The following CFAP263 variants were observed in gnomAD, a reference collection of about 807,000 sequenced individuals.
CFAP263 encodes the protein cilia- and flagella-associated protein 263.
the CFAP263 span, among the ~76,000 whole-genome samples, chr16:58,274,724 C>G: frequency 1.3e-5 from 2 of 152,318 alleles, no homozygotes; most frequent in East Asian, 3.9e-4. Flanking sequence ...TCAATCAAAT[C>G]TTCTTTTCTT....
chr16:58,258,095 G>A, the CFAP263 span, among the ~76,000 whole-genome samples: 21,160 of 143,996 alleles, frequency 0.15, 2,012 homozygotes, highest in East Asian at 0.34. Context: ...GCAATAGAGC[G>A]AGACTCTGTC....
At chr16:58,280,072 A>G in the CFAP263 span, 1 of 734,552 alleles carries the variant, frequency 1.4e-6, no homozygotes, top group South Asian at 1.9e-5. Context: ...GGAGAGGGAT[A>G]GAGGAGGGAG....
the CFAP263 span, among the ~76,000 whole-genome samples, chr16:58,265,319 G>A: frequency 1.9e-3 from 283 of 152,290 alleles, 1 homozygote; most frequent in African/African-American, 6.4e-3. Context: ...CTAATCACAC[G>A]AGTCCTTTGA....
chr16:58,278,750 G>A, the CFAP263 span: 1 of 988,050 alleles, frequency 1.0e-6, no homozygotes, highest in Non-Finnish European at 1.5e-6. Context: ...ATTTCTGGGA[G>A]AAACCTCAGC....
At chr16:58,258,623 TAAA>T in the CFAP263 span, 2 of 1,111,880 alleles carry the variant, frequency 1.8e-6, no homozygotes, top group Non-Finnish European at 2.6e-6. Context: ...TGGTCCACCA[TAAA>T]TGTTGCCCAC....
chr16:58,278,102 A>G, the CFAP263 span, among the ~76,000 whole-genome samples: 1 of 152,192 alleles, frequency 6.6e-6, no homozygotes, highest in African/African-American at 2.4e-5. Flanking sequence ...TATATCTTAT[A>G]ATTAAAAAAG....
the CFAP263 span, among the ~76,000 whole-genome samples, chr16:58,261,030 C>T: frequency 2.6e-5 from 4 of 152,178 alleles, no homozygotes; most frequent in Non-Finnish European, 4.4e-5. Context: ...TTTCTCTACT[C>T]TGTCTGAGCG....
chr16:58,250,509 AATCTC>A, the CFAP263 span: 57 of 161,540 alleles, frequency 3.5e-4, 1 homozygote, highest in South Asian at 8.6e-3. Context: ...TCACGCCTGT[AATCTC>A]AGCACTTTAG....
At chr16:58,278,352 A>G in the CFAP263 span, 9 of 840,022 alleles carry the variant, frequency 1.1e-5, no homozygotes, top group South Asian at 9.7e-5. Flanking sequence ...CCCCTCCCCA[A>G]CCTCTTTGAA....
At chr16:58,255,259 G>A in the CFAP263 span, among the ~76,000 whole-genome samples, 1 of 152,220 alleles carries the variant, frequency 6.6e-6, no homozygotes, top group Non-Finnish European at 1.5e-5. Context: ...GGCAGGAGGA[G>A]CAGAAGCAAT....
At chr16:58,262,431 T>C in the CFAP263 span, 3 of 1,613,308 alleles carry the variant, frequency 1.9e-6, no homozygotes, top group South Asian at 2.2e-5. Flanking sequence ...TTTCAGCAGT[T>C]GAAGATAGAG....
the CFAP263 span, among the ~76,000 whole-genome samples, chr16:58,251,802 G>A: frequency 2.6e-4 from 18 of 68,016 alleles, no homozygotes; most frequent in Non-Finnish European, 4.3e-4. Flanking sequence ...CATCAAAGCT[G>A]TTCTCTCTCT....
chr16:58,278,563 G>C, the CFAP263 span: 1 of 1,614,128 alleles, frequency 6.2e-7, no homozygotes. Flanking sequence ...GATGACTTAC[G>C]TCCGGGAGAA....
the CFAP263 span, among the ~76,000 whole-genome samples, chr16:58,252,402 C>T: frequency 1.1e-3 from 162 of 151,608 alleles, 1 homozygote; most frequent in East Asian, 0.029. Flanking sequence ...AATAATCTCC[C>T]ACATGGGTTC....
the CFAP263 span, chr16:58,250,258 A>G: frequency 7.1e-6 from 4 of 560,322 alleles, no homozygotes; most frequent in Non-Finnish European, 1.3e-5. Flanking sequence ...TCCTTACTCC[A>G]CCACCACTGA....
the CFAP263 span, chr16:58,283,181 C>T: frequency 6.6e-6 from 1 of 152,188 alleles, no homozygotes; most frequent in Non-Finnish European, 1.5e-5. Flanking sequence ...TGTTGGGTTT[C>T]AGGGAAACCC....
the CFAP263 span, chr16:58,258,328 T>G: frequency 6.3e-7 from 1 of 1,596,358 alleles, no homozygotes; most frequent in Non-Finnish European, 8.6e-7. Flanking sequence ...CCTTGAAGAT[T>G]GCTGGAAACG....
At chr16:58,261,800 T>C in the CFAP263 span, among the ~76,000 whole-genome samples, 1 of 152,056 alleles carries the variant, frequency 6.6e-6, no homozygotes, top group Non-Finnish European at 1.5e-5. Context: ...ACCACAGATA[T>C]AAAATGGCAT....
chr16:58,263,950 A>C, the CFAP263 span, among the ~76,000 whole-genome samples: 1 of 152,238 alleles, frequency 6.6e-6, no homozygotes, highest in East Asian at 1.9e-4. Flanking sequence ...ATTGCACTCC[A>C]GCCTGGGCAA....
Sources: gnomAD v4.1 joint callset for allele counts (sites outside exome capture counted in the v4.1 genomes callset) on GRCh38, gnomAD v4.1.1 for gene constraint, MANE v1.5 for transcripts, NCBI Gene and HGNC (gene_info 2026-07-23, HGNC 2026-07-21) for gene names.